Variants in SNTG1 observed in about 807,000 individuals in gnomAD.
The protein encoded by SNTG1 is syntrophin gamma 1.
In SNTG1, 39 loss-of-function variants were observed where a neutral mutation model predicts 74.7. That is an observed-to-expected ratio of 0.52 (90% confidence interval 0.40 to 0.68). SNTG1 has a LOEUF of 0.68. SNTG1 is among the 30% of genes least tolerant of loss of function. The pLI, the probability that SNTG1 is intolerant of heterozygous loss-of-function variation, is 0.00. For synonymous variants in SNTG1, 254 were observed against 217.1 expected (o/e 1.17, Z -1.49); for missense variants, 685 against 609.5 (o/e 1.12, Z -1.30).
intron 12 of SNTG1, among the ~76,000 whole-genome samples, chr8:50,565,996 G>A (rs778581212): frequency 6.6e-6 from 1 of 151,824 alleles, no homozygotes; most frequent in Non-Finnish European, 1.5e-5. Context: ...CACTTGTCTA[G>A]GGTAAAATGA....
chr8:50,262,400 A>G (rs1293501839), intron 2 of SNTG1, among the ~76,000 whole-genome samples: 1 of 151,928 alleles, frequency 6.6e-6, no homozygotes, highest in African/African-American at 2.4e-5. Flanking sequence ...GCAAACCAAC[A>G]TCTGTTTTTT....
At chr8:50,103,168 G>T (rs28869259) in intron 1 of SNTG1, among the ~76,000 whole-genome samples, 3,307 of 152,202 alleles carry the variant, frequency 0.022, 126 homozygotes, top group African/African-American at 0.073. Context: ...CCATTTTCAC[G>T]ATATTGATTC....
chr8:50,726,148 A>G (rs1441373535), intron 17 of SNTG1, among the ~76,000 whole-genome samples: 1 of 152,224 alleles, frequency 6.6e-6, no homozygotes, highest in Non-Finnish European at 1.5e-5. Flanking sequence ...TTAACATGTT[A>G]TTAACCAGGA....
chr8:50,353,961 G>A (rs930313026), intron 2 of SNTG1, among the ~76,000 whole-genome samples: 2 of 152,208 alleles, frequency 1.3e-5, no homozygotes, highest in South Asian at 4.1e-4. Context: ...CTAATTGATA[G>A]TTTGTACCTG....
rs897810141 is a variant in SNTG1 at position 50,312,693 on chromosome 8, C to G, written c.-27-81519C>G. ...TACCCATTACTAAACTTCCACATGG[C>G]AAAATATGTTCATCTCTACGTTTTC... On this transcript the variant is annotated intron_variant, in intron 2 of 18. Transcript: ENST00000642720. 1.3e-5 allele frequency among the ~76,000 whole-genome samples: 2 copies of G among 149,894 alleles called. 1 individual carries two copies. The highest frequency in any genetic ancestry group is 4.0e-4 in the East Asian group (2 of 5,056).
At chr8:50,778,220 T>C (rs1269808944) in intron 18 of SNTG1, among the ~76,000 whole-genome samples, 1 of 152,202 alleles carries the variant, frequency 6.6e-6, no homozygotes. Flanking sequence ...ATATACCCAG[T>C]AACAGGATGG....
chr8:50,285,814 C>CA (rs71235788), intron 2 of SNTG1, among the ~76,000 whole-genome samples: 102 of 133,978 alleles, frequency 7.6e-4, no homozygotes, highest in African/African-American at 2.7e-3. Context: ...AATATATTTC[C>CA]AAAAAAAAAA....
intron 13 of SNTG1, among the ~76,000 whole-genome samples, chr8:50,613,015 G>C (rs1286424134): frequency 6.6e-6 from 1 of 152,126 alleles, no homozygotes; most frequent in Admixed American, 6.5e-5. Context: ...GGTTACCAAG[G>C]CTGCTTCTTA....
intron 8 of SNTG1, among the ~76,000 whole-genome samples, chr8:50,500,420 G>A (rs2093941789): frequency 6.6e-6 from 1 of 151,714 alleles, no homozygotes; most frequent in Non-Finnish European, 1.5e-5. Flanking sequence ...TTTTTTGGCT[G>A]AAATTTTATA....
At chr8:50,295,759 A>C (rs1563858935) in intron 2 of SNTG1, among the ~76,000 whole-genome samples, 1 of 152,188 alleles carries the variant, frequency 6.6e-6, no homozygotes, top group Non-Finnish European at 1.5e-5. Context: ...ACAATTTGGA[A>C]TCTGCCAAGA....
chr8:50,256,128 G>A (rs1052550082), intron 2 of SNTG1, among the ~76,000 whole-genome samples: 2 of 151,826 alleles, frequency 1.3e-5, no homozygotes, highest in Non-Finnish European at 2.9e-5. Flanking sequence ...TCTCTTCACC[G>A]ACATAGCAGT....
At chr8:50,191,827 T>C (rs530882434) in intron 2 of SNTG1, among the ~76,000 whole-genome samples, 62 of 152,222 alleles carry the variant, frequency 4.1e-4, no homozygotes, top group African/African-American at 1.3e-3. Context: ...CCAATCACCA[T>C]TGAATATTTG....
rs554057529 is a variant in SNTG1, at chr8:50,578,329, G to C, written c.811-12550G>C. Among the ~76,000 whole-genome samples, 12 of 152,276 alleles carry C rather than the reference G, an allele frequency of 7.9e-5. No homozygotes were observed. In the South Asian group the frequency reaches 2.5e-3, roughly 32 times the overall value. ...TGAATTAGCTGGTGCCAATTTCAGG[G>C]TGAATTAAAGGATATTTAATCTCTG... On this transcript the variant is annotated intron_variant, in intron 12 of 18. Coordinates refer to ENST00000642720, the MANE Select transcript of SNTG1 (RefSeq NM_018967.5).
At chr8:49,936,401 A>G (rs890616979) in intron 1 of SNTG1, among the ~76,000 whole-genome samples, 12 of 152,174 alleles carry the variant, frequency 7.9e-5, no homozygotes, top group Non-Finnish European at 7.3e-5. Flanking sequence ...AGGGAATCTG[A>G]ATATAAACAA....
At chr8:50,197,874 CT>C (rs1049403529) in intron 2 of SNTG1, among the ~76,000 whole-genome samples, 3 of 151,938 alleles carry the variant, frequency 2.0e-5, no homozygotes, top group East Asian at 3.9e-4. Context: ...ATTATATTTT[CT>C]TTTTTTATTT....
chr8:50,397,329 C>A (rs1056199806), intron 3 of SNTG1, among the ~76,000 whole-genome samples: 2 of 152,078 alleles, frequency 1.3e-5, no homozygotes, highest in Non-Finnish European at 1.5e-5. Context: ...AAATTTGAGA[C>A]CAATAATTAT....
At chr8:49,974,068 A>G (rs1055422105) in intron 1 of SNTG1, among the ~76,000 whole-genome samples, 2 of 152,168 alleles carry the variant, frequency 1.3e-5, no homozygotes, top group Non-Finnish European at 2.9e-5. Context: ...ACTTTTTTAT[A>G]CTAGGAAGTA....
At chr8:50,465,722 C>CT (rs1371514442) in intron 8 of SNTG1, among the ~76,000 whole-genome samples, 1 of 152,088 alleles carries the variant, frequency 6.6e-6, no homozygotes. Flanking sequence ...TTTAGATTGG[C>CT]TTTTTTCACT....
intron 15 of SNTG1, among the ~76,000 whole-genome samples, chr8:50,701,801 T>G (rs2095426800): frequency 7.0e-6 from 1 of 142,254 alleles, no homozygotes; most frequent in Non-Finnish European, 1.5e-5. Flanking sequence ...CTCCTCCTCC[T>G]CTTCTTCTTC....
Sources: gnomAD v4.1 joint callset for allele counts (sites outside exome capture counted in the v4.1 genomes callset) on GRCh38, gnomAD v4.1.1 for gene constraint, MANE v1.5 for transcripts, NCBI Gene and HGNC (gene_info 2026-07-23, HGNC 2026-07-21) for gene names.